The following CAMTA1 variants were observed in gnomAD, a reference collection of about 807,000 sequenced individuals.
CAMTA1 encodes the protein calmodulin binding transcription activator 1.
In CAMTA1, 27 loss-of-function variants were observed where a neutral mutation model predicts 170.9. The observed-to-expected ratio is 0.16, with a 90% confidence interval of 0.12 to 0.22. The LOEUF is 0.22. CAMTA1 is among the 10% of genes least tolerant of loss of function. The pLI, the probability that CAMTA1 is intolerant of heterozygous loss-of-function variation, is 1.00. For synonymous variants in CAMTA1, 833 were observed against 891.5 expected (o/e 0.93, Z 1.17); for missense variants, 1,619 against 2,217.2 (o/e 0.73, Z 5.42).
Position 6,934,004 on chromosome 1 carries a change from AGCACAAAGCCTGCTGGGATTTTGATTG to A in CAMTA1, c.234+108796_234+108822del, listed in dbSNP as rs1684877297. 6.6e-6 allele frequency among the ~76,000 whole-genome samples: 1 copy of A among 152,178 alleles called. No individual in the cohort carries two copies. Among genetic ancestry groups the A allele is most frequent in the African/African-American group, 2.4e-5 (1 of 41,442 alleles). On this transcript the variant is annotated intron_variant, in intron 3 of 22. Coordinates refer to ENST00000303635, the MANE Select transcript of CAMTA1 (RefSeq NM_015215.4). This position sits in a 1 kb window ranked among gnomAD's most constrained non-coding sequence, Gnocchi z 4.5. ...ATTTTAGAATTGGCTGTCAGTTTCC[AGCACAAAGCCTGCTGGGATTTTGATTG>A]GGATTGAGCCTCACATTGCTCTCTG... is the stretch of plus-strand genomic sequence containing the variant.
At position 7,601,122 on chromosome 1, in the gene CAMTA1, C is replaced by G. The variant is rs55892238; in HGVS notation, c.511-39278C>G. The stretch of plus-strand genomic sequence containing the variant: ...TGGCCGGGCCGGGGGCTGACCCCCC[C>G]ACCTCCCTCCCGGACGGGGCGGCTG... On this transcript the variant is annotated intron_variant, in intron 6 of 22. Transcript: ENST00000303635. 3.8e-3 allele frequency among the ~76,000 whole-genome samples: 565 copies of G among 149,942 alleles called. 2 individuals carry two copies. Among genetic ancestry groups the G allele is most frequent in the African/African-American group, 0.014 (550 of 40,598 alleles).
At position 7,270,285 on chromosome 1, in the gene CAMTA1, A is replaced by AT. The variant is rs1231590647; in HGVS notation, c.438+20660dup. Among the ~76,000 whole-genome samples the AT allele has an allele frequency of 8.5e-4, 98 of 115,068 alleles. 2 individuals are homozygous for AT. Among genetic ancestry groups the AT allele is most frequent in the East Asian group, 5.0e-3 (18 of 3,602 alleles). The allele number at this position is 115,068 out of a possible 152,430, so 75.5% of individuals were successfully genotyped here. A position where few individuals can be genotyped will look rare whatever the true frequency, so the allele number is the denominator to read the frequency against. On this transcript the variant is annotated intron_variant, in intron 5 of 22. Transcript: ENST00000303635. ...CACACACACACACACATATATATATATATATATTTTTTTTTTTTTTTCTTG... is the reference window on the plus strand; with the variant it reads ...CACACACACACACACATATATATATATTATATATTTTTTTTTTTTTTTCTTG...
intron 3 of CAMTA1, among the ~76,000 whole-genome samples, chr1:7,001,921 G>T (rs1351313969): frequency 7.2e-6 from 1 of 137,998 alleles, no homozygotes; most frequent in African/African-American, 2.8e-5. Flanking sequence ...TTTTGAGACG[G>T]ATTCTCCCTC....
intron 3 of CAMTA1, among the ~76,000 whole-genome samples, chr1:6,948,198 G>A (rs1227126348): frequency 6.6e-6 from 1 of 152,244 alleles, no homozygotes; most frequent in East Asian, 1.9e-4. Flanking sequence ...CCGAAGAGCT[G>A]TGGGGCCAGG....
At chr1:7,512,450 T>A (rs2149893466) in intron 6 of CAMTA1, among the ~76,000 whole-genome samples, 1 of 152,230 alleles carries the variant, frequency 6.6e-6, no homozygotes, top group East Asian at 1.9e-4. Context: ...TAACAAACAG[T>A]CTGGGAATCT....
intron 3 of CAMTA1, among the ~76,000 whole-genome samples, chr1:6,834,115 C>T (rs1651763706): frequency 6.7e-6 from 1 of 148,372 alleles, no homozygotes. Context: ...TTGGACTTTC[C>T]AGGGAGGCTT....
chr1:6,988,110 C>T (rs568179585), intron 3 of CAMTA1, among the ~76,000 whole-genome samples: 8 of 152,296 alleles, frequency 5.3e-5, no homozygotes, highest in African/African-American at 1.9e-4. Context: ...GTTCCGTTTT[C>T]GTGTCAGAGT....
At chr1:7,651,998 C>G (rs2095851178) in intron 7 of CAMTA1, among the ~76,000 whole-genome samples, 1 of 152,210 alleles carries the variant, frequency 6.6e-6, no homozygotes, top group Non-Finnish European at 1.5e-5. Context: ...GAAAGACAGC[C>G]AAGACGAAGC....
At chr1:7,411,134 T>C (rs12088843) in intron 5 of CAMTA1, among the ~76,000 whole-genome samples, 10,965 of 152,204 alleles carry the variant, frequency 0.072, 1,061 homozygotes, top group African/African-American at 0.22. Flanking sequence ...TCTTGCTCTG[T>C]TCCTCTGGAT....
At chr1:7,713,230 G>A (rs938742278) in intron 11 of CAMTA1, among the ~76,000 whole-genome samples, 5 of 152,198 alleles carry the variant, frequency 3.3e-5, no homozygotes, top group African/African-American at 1.2e-4. Context: ...TGGTTGGCAT[G>A]CACCATTCAT....
chr1:6,899,554 G>GCGCACACACACACA lies in CAMTA1; in HGVS notation c.234+74345_234+74346insGCACACACACACAC, dbSNP rs1306510241. ...ATGTGTATAACGCGCACGCGCGCGC[G>GCGCACACACACACA]CACACACACACACACACACACACAC... On this transcript the variant is annotated intron_variant, in intron 3 of 22. Coordinates refer to ENST00000303635, the MANE Select transcript of CAMTA1 (RefSeq NM_015215.4). Among the ~76,000 whole-genome samples the GCGCACACACACACA allele has an allele frequency of 8.8e-4, 124 of 141,174 alleles. No homozygotes were observed. The Middle Eastern group carries it at 0.011, about 13-fold the overall frequency. The allele number at this position is 141,174 out of a possible 152,430, so 92.6% of individuals were successfully genotyped here.
intron 3 of CAMTA1, among the ~76,000 whole-genome samples, chr1:7,033,696 C>T (rs770913700): frequency 4.8e-4 from 71 of 147,410 alleles, no homozygotes; most frequent in Non-Finnish European, 7.6e-4. Context: ...CGGGTTCAAG[C>T]GATTCTCCTG....
intron 6 of CAMTA1, among the ~76,000 whole-genome samples, chr1:7,619,347 C>A (rs1294108908): frequency 6.6e-6 from 1 of 152,206 alleles, no homozygotes; most frequent in Non-Finnish European, 1.5e-5. Flanking sequence ...ATGTCACCAG[C>A]CAACTCTGCC....
intron 6 of CAMTA1, among the ~76,000 whole-genome samples, chr1:7,526,625 GT>G (rs2094435199): frequency 6.6e-6 from 1 of 152,256 alleles, no homozygotes; most frequent in Non-Finnish European, 1.5e-5. Flanking sequence ...CAAAGCATGA[GT>G]GTGTGGTGAT....
intron 6 of CAMTA1, among the ~76,000 whole-genome samples, chr1:7,628,755 G>A (rs2095649551): frequency 6.6e-6 from 1 of 152,270 alleles, no homozygotes; most frequent in African/African-American, 2.4e-5. Flanking sequence ...TGCTTGGAGA[G>A]GATGGAAGAG....
intron 3 of CAMTA1, among the ~76,000 whole-genome samples, chr1:6,895,863 A>G (rs542110476): frequency 8.5e-5 from 13 of 152,096 alleles, no homozygotes; most frequent in African/African-American, 3.1e-4. Flanking sequence ...CGTAGCATTT[A>G]TTACTGTCTG....
At chr1:7,551,163 C>G (rs2094796185) in intron 6 of CAMTA1, among the ~76,000 whole-genome samples, 1 of 152,124 alleles carries the variant, frequency 6.6e-6, no homozygotes, top group Non-Finnish European at 1.5e-5. Flanking sequence ...CCAGTCTCCA[C>G]CCTAGCCACC....
intron 4 of CAMTA1, among the ~76,000 whole-genome samples, chr1:7,233,392 C>A (rs767194856): frequency 1.3e-5 from 2 of 152,152 alleles, no homozygotes; most frequent in African/African-American, 2.4e-5. Context: ...CTGGCTGCAC[C>A]AAGCAGCAGG....
At chr1:6,895,250 A>G (rs554662981) in intron 3 of CAMTA1, among the ~76,000 whole-genome samples, 310 of 152,374 alleles carry the variant, frequency 2.0e-3, no homozygotes, top group Admixed American at 4.0e-3. Flanking sequence ...TTCACTTAAC[A>G]CAAACTCATC....
Sources: allele counts gnomAD v4.1 joint callset (sites outside exome capture counted in the v4.1 genomes callset), GRCh38; gene constraint gnomAD v4.1.1; non-coding constraint Gnocchi (gnomAD v3.1); transcripts MANE v1.5; gene names NCBI Gene and HGNC (gene_info 2026-07-23, HGNC 2026-07-21).